PLCB1: variants seen among roughly 807,000 people sequenced by gnomAD.
PLCB1 encodes the protein phospholipase C beta 1.
Under a neutral mutation model 161.8 loss-of-function variants are expected in PLCB1, and 46 were observed. The observed-to-expected ratio is 0.28, with a 90% confidence interval of 0.22 to 0.36. The LOEUF (loss-of-function observed/expected upper bound fraction) is 0.36, where lower values mean the gene tolerates loss of function less well. Among genes scored for constraint, PLCB1 ranks in the 10% least tolerant of loss-of-function variants. The pLI is 1.00. For missense variants in PLCB1, 1,016 were observed against 1,472.5 expected, an observed-to-expected ratio of 0.69 and a Z score of 5.07; for synonymous variants, 517 against 503.7, an observed-to-expected ratio of 1.03 and a Z score of -0.35.
intron 4 of PLCB1, among the ~76,000 whole-genome samples, chr20:8,629,728 A>G (rs1266757378): frequency 2.6e-5 from 4 of 151,754 alleles, no homozygotes; most frequent in African/African-American, 9.7e-5. Flanking sequence ...CAATTTTTTA[A>G]CCCTCAGTGC....
At chr20:8,268,787 T>G (rs1038863360) in intron 2 of PLCB1, among the ~76,000 whole-genome samples, 4 of 152,126 alleles carry the variant, frequency 2.6e-5, no homozygotes, top group African/African-American at 9.7e-5. Flanking sequence ...GTCTGTTCAT[T>G]TCCTTTGCCC....
intron 2 of PLCB1, among the ~76,000 whole-genome samples, chr20:8,243,283 T>C (rs1434175206): frequency 6.6e-6 from 1 of 152,022 alleles, no homozygotes; most frequent in Non-Finnish European, 1.5e-5. Context: ...AAATGGCCGA[T>C]GATTCCCAAT....
chr20:8,732,791 T>C (rs1291317370), intron 18 of PLCB1, among the ~76,000 whole-genome samples: 1 of 144,816 alleles, frequency 6.9e-6, no homozygotes, highest in South Asian at 2.1e-4. Flanking sequence ...ATATAAATAA[T>C]ATATCTAATA....
At chr20:8,685,131 A>C in intron 10 of PLCB1, 53 bp downstream of exon 10, 1 of 1,518,660 alleles carries the variant, frequency 6.6e-7, no homozygotes, top group Middle Eastern at 1.7e-4. Flanking sequence ...AAATTTCACC[A>C]ACCTCTACTT....
chr20:8,643,851 G>C (rs1055731727), intron 4 of PLCB1, among the ~76,000 whole-genome samples: 3 of 149,512 alleles, frequency 2.0e-5, no homozygotes, highest in African/African-American at 7.4e-5. Context: ...CCGAGCCAAA[G>C]CTGGACTGTA....
At chr20:8,680,192 G>A (rs1459654868) in intron 9 of PLCB1, among the ~76,000 whole-genome samples, 1 of 152,084 alleles carries the variant, frequency 6.6e-6, no homozygotes, top group Non-Finnish European at 1.5e-5. Flanking sequence ...AAAAAAAATT[G>A]TAAATTTTTC....
chr20:8,185,468 T>A (rs2051893060), intron 2 of PLCB1, among the ~76,000 whole-genome samples: 1 of 152,034 alleles, frequency 6.6e-6, no homozygotes, highest in African/African-American at 2.4e-5. Flanking sequence ...GATCTCTGTA[T>A]TGATTTAGGA....
intron 3 of PLCB1, among the ~76,000 whole-genome samples, chr20:8,469,469 A>G (rs781098519): frequency 2.0e-5 from 3 of 152,108 alleles, no homozygotes; most frequent in Non-Finnish European, 4.4e-5. Flanking sequence ...GGGTGTTTTA[A>G]CCATCGTTAT....
At chr20:8,729,631 A>T (rs6056045) in intron 18 of PLCB1, 1 of 151,984 alleles carries the variant, frequency 6.6e-6, no homozygotes. Flanking sequence ...TCATATATAC[A>T]TATATAAACA....
chr20:8,521,485 C>T (rs1266136536), intron 3 of PLCB1, among the ~76,000 whole-genome samples: 1 of 152,112 alleles, frequency 6.6e-6, no homozygotes, highest in East Asian at 1.9e-4. Context: ...GGGTGGATGG[C>T]TTGAGCCCAG....
chr20:8,152,947 G>A lies in PLCB1; in HGVS notation c.177+2576G>A, dbSNP rs138350239. 6.4e-4 allele frequency among the ~76,000 whole-genome samples: 98 copies of A among 152,168 alleles called. 2 individuals are homozygous for A. In the East Asian group the frequency reaches 0.018, roughly 28 times the overall value. On this transcript the variant is annotated intron_variant, in intron 2 of 31. Transcript: ENST00000338037. ...ATTTTATGATGTTCTATGCATGTCC[G>A]TCTCTTGTCATGGCTACATCAGATC...
At chr20:8,516,334 G>C (rs1041394878) in intron 3 of PLCB1, among the ~76,000 whole-genome samples, 3 of 152,036 alleles carry the variant, frequency 2.0e-5, no homozygotes, top group African/African-American at 7.2e-5. Context: ...ATATTACTCT[G>C]GCCAAAGCCA....
chr20:8,371,473 T>C, intron 3 of PLCB1, 23 bp downstream of exon 3: 1 of 1,510,214 alleles, frequency 6.6e-7, no homozygotes. Context: ...GTGTTGTGCA[T>C]GCACCAGATG....
intron 3 of PLCB1, among the ~76,000 whole-genome samples, chr20:8,524,501 C>T (rs542446677): frequency 3.3e-5 from 5 of 152,204 alleles, no homozygotes; most frequent in Non-Finnish European, 7.4e-5. Context: ...ACCTTGTAAA[C>T]GTGTCTTTGT....
chr20:8,881,160 C>G (rs1321765191), intron 31 of PLCB1, among the ~76,000 whole-genome samples: 1 of 152,034 alleles, frequency 6.6e-6, no homozygotes, highest in Non-Finnish European at 1.5e-5. Flanking sequence ...GCCACTATAC[C>G]CAGCTCATTT....
intron 2 of PLCB1, among the ~76,000 whole-genome samples, chr20:8,224,662 A>T (rs1979583454): frequency 6.6e-6 from 1 of 152,134 alleles, no homozygotes; most frequent in African/African-American, 2.4e-5. Context: ...AACAAATCAT[A>T]AAGTTTATAA....
chr20:8,419,455 A>T (rs7265508), intron 3 of PLCB1, among the ~76,000 whole-genome samples: 8,094 of 152,180 alleles, frequency 0.053, 712 homozygotes, highest in African/African-American at 0.18. Flanking sequence ...TGGAAAGTGA[A>T]ACACATTCAA....
intron 3 of PLCB1, among the ~76,000 whole-genome samples, chr20:8,527,865 A>G (rs1016958900): frequency 6.6e-6 from 1 of 152,140 alleles, no homozygotes; most frequent in African/African-American, 2.4e-5. Flanking sequence ...TTAAAAAGTC[A>G]TAACAGTGCT....
intron 3 of PLCB1, among the ~76,000 whole-genome samples, chr20:8,553,900 G>A (rs764472687): frequency 6.6e-6 from 1 of 151,942 alleles, no homozygotes; most frequent in Non-Finnish European, 1.5e-5. Context: ...TACTTGGGAG[G>A]CTGAGGCAGA....
Sources: gnomAD v4.1 joint callset for allele counts (sites outside exome capture counted in the v4.1 genomes callset) on GRCh38, gnomAD v4.1.1 for gene constraint, MANE v1.5 for transcripts, NCBI Gene and HGNC (gene_info 2026-07-23, HGNC 2026-07-21) for gene names.